GLCE: variants seen among roughly 807,000 people sequenced by gnomAD.
The protein encoded by GLCE is glucuronic acid epimerase.
In GLCE, 19 loss-of-function variants were observed where a neutral mutation model predicts 47.9. That is an observed-to-expected ratio of 0.40 (90% CI 0.28 to 0.58). The LOEUF is 0.58. GLCE is among the 20% of genes least tolerant of loss of function. The pLI is 0.48. For synonymous variants in GLCE, 245 were observed against 263.4 expected, an observed-to-expected ratio of 0.93 and a Z score of 0.68; for missense variants, 556 against 743.3, an observed-to-expected ratio of 0.75 and a Z score of 2.93.
At chr15:69,264,200 G>C (rs2053053957) in intron 4 of GLCE, among the ~76,000 whole-genome samples, 1 of 121,130 alleles carries the variant, frequency 8.3e-6, no homozygotes, top group Non-Finnish European at 1.6e-5. Context: ...CCATTCTACT[G>C]TTTCTGTGAG....
rs998173940 is a variant in GLCE at position 69,268,749 on chromosome 15, A to G, written c.1359A>G (p.Thr453=). 3.7e-6 allele frequency: 6 copies of G among 1,614,098 alleles called. No individual in the cohort carries two copies. The African/African-American group carries it at 6.7e-5, about 18-fold the overall frequency. ...SAMAQGQAIS[T]LVRAYLLTKD... is the part of the protein sequence containing the mutation. ...TGGCCCAAGGGCAAGCCATTTCTAC[A>G]TTAGTCAGGGCCTATCTGTTAACAA... The change falls in exon 5 of 5, where the codon ACA becomes ACG. Residue 453 remains threonine, a synonymous_variant. Transcript: ENST00000261858.
At chr15:69,199,109 C>T (rs1395410500) in intron 1 of GLCE, among the ~76,000 whole-genome samples, 1 of 152,120 alleles carries the variant, frequency 6.6e-6, no homozygotes, top group Non-Finnish European at 1.5e-5. Context: ...AGACTGTATA[C>T]AGAATAACTT....
chr15:69,255,732 T>A, intron 2 of GLCE, 62 bp from the exon 3 acceptor site: 1 of 949,994 alleles, frequency 1.1e-6, no homozygotes, highest in Non-Finnish European at 1.6e-6. Flanking sequence ...CAAAGAAAAC[T>A]TTATCCTATG....
intron 1 of GLCE, among the ~76,000 whole-genome samples, chr15:69,161,351 A>G (rs2051417198): frequency 6.9e-6 from 1 of 145,498 alleles, no homozygotes; most frequent in African/African-American, 2.6e-5. Flanking sequence ...CGGGTGAGAG[A>G]GCGATGTATC....
At chr15:69,229,970 G>T (rs938739906) in intron 2 of GLCE, among the ~76,000 whole-genome samples, 4 of 152,088 alleles carry the variant, frequency 2.6e-5, no homozygotes, top group African/African-American at 4.8e-5. Context: ...AGCACTTTGG[G>T]AGGCAGAGGA....
intron 1 of GLCE, among the ~76,000 whole-genome samples, chr15:69,174,695 C>A (rs145589646): frequency 5.3e-5 from 8 of 152,270 alleles, no homozygotes; most frequent in African/African-American, 1.9e-4. Flanking sequence ...TTGTTTAAAT[C>A]TAAAATGGAA....
At chr15:69,185,599 T>C (rs1005118454) in intron 1 of GLCE, among the ~76,000 whole-genome samples, 1 of 152,084 alleles carries the variant, frequency 6.6e-6, no homozygotes, top group African/African-American at 2.4e-5. Context: ...CTCATCAAGT[T>C]GTTTTTATTG....
chr15:69,227,734 A>G (rs2052469331), intron 2 of GLCE, among the ~76,000 whole-genome samples: 2 of 152,222 alleles, frequency 1.3e-5, no homozygotes, highest in African/African-American at 4.8e-5. Flanking sequence ...ATAGTGTTAA[A>G]TATGACTGAC....
chr15:69,177,357 C>T (rs1192699499), intron 1 of GLCE, among the ~76,000 whole-genome samples: 1 of 152,080 alleles, frequency 6.6e-6, no homozygotes, highest in Non-Finnish European at 1.5e-5. Flanking sequence ...GCCACTGCAC[C>T]CGGCCTTGCT....
At chr15:69,173,119 C>A (rs1446667013) in intron 1 of GLCE, among the ~76,000 whole-genome samples, 1 of 152,150 alleles carries the variant, frequency 6.6e-6, no homozygotes, top group African/African-American at 2.4e-5. Flanking sequence ...ATATTCAGCA[C>A]CTGCTTAAGC....
chr15:69,171,684 C>T (rs1384524372), intron 1 of GLCE, among the ~76,000 whole-genome samples: 2 of 152,144 alleles, frequency 1.3e-5, no homozygotes, highest in African/African-American at 4.8e-5. Context: ...GCGTGAGCCA[C>T]CGCGCCCTGC....
intron 1 of GLCE, among the ~76,000 whole-genome samples, chr15:69,203,792 T>TAA (rs753911688): frequency 6.6e-6 from 1 of 151,884 alleles, no homozygotes; most frequent in Non-Finnish European, 1.5e-5. Flanking sequence ...TGATTGGCTT[T>TAA]AAAAAAAACC....
At chr15:69,177,684 C>G (rs147277266) in intron 1 of GLCE, among the ~76,000 whole-genome samples, 20 of 149,082 alleles carry the variant, frequency 1.3e-4, no homozygotes, top group African/African-American at 2.0e-4. Flanking sequence ...ACTTCATGCC[C>G]CTTTATCATC....
chr15:69,172,606 G>A (rs928573551), intron 1 of GLCE, among the ~76,000 whole-genome samples: 4 of 151,774 alleles, frequency 2.6e-5, no homozygotes, highest in African/African-American at 7.3e-5. Flanking sequence ...TCCTCTTAAC[G>A]ATATCTTTTT....
At chr15:69,241,634 A>G (rs1369559166) in intron 2 of GLCE, among the ~76,000 whole-genome samples, 2 of 152,290 alleles carry the variant, frequency 1.3e-5, no homozygotes, top group Non-Finnish European at 2.9e-5. Context: ...CATAGTACCT[A>G]CTTTATGCAT....
At chr15:69,239,029 T>C (rs1326407146) in intron 2 of GLCE, among the ~76,000 whole-genome samples, 3 of 152,134 alleles carry the variant, frequency 2.0e-5, no homozygotes, top group African/African-American at 7.2e-5. Context: ...TCTGGTGAGA[T>C]GGTATGACAG....
intron 2 of GLCE, among the ~76,000 whole-genome samples, chr15:69,232,467 A>G (rs369011283): frequency 2.5e-4 from 33 of 130,670 alleles, no homozygotes; most frequent in African/African-American, 7.9e-4. Context: ...GTGTGTGTGT[A>G]TGTATGTATA....
chr15:69,212,943 G>T (rs556821134), intron 2 of GLCE, among the ~76,000 whole-genome samples: 19 of 151,980 alleles, frequency 1.3e-4, no homozygotes, highest in Middle Eastern at 3.4e-3. Flanking sequence ...GAATAATTTG[G>T]TTTTTGTACC....
chr15:69,199,986 GAGT>G (rs1443605053), intron 1 of GLCE, among the ~76,000 whole-genome samples: 2 of 152,120 alleles, frequency 1.3e-5, no homozygotes, highest in Non-Finnish European at 2.9e-5. Context: ...GGTTTTATCA[GAGT>G]AGTAAGACAA....
Sources: gnomAD v4.1 joint callset for allele counts (sites outside exome capture counted in the v4.1 genomes callset) on GRCh38, gnomAD v4.1.1 for gene constraint, MANE v1.5 for transcripts, NCBI Gene and HGNC (gene_info 2026-07-23, HGNC 2026-07-21) for gene names.